The following SCARB1 variants were observed in gnomAD, a reference collection of about 807,000 sequenced individuals.
SCARB1 encodes the protein CD36 and LIMPII analogous 1.
SCARB1 carries 30 observed loss-of-function variants against 57.2 expected under a neutral mutation model. The observed-to-expected ratio is 0.52, with a 90% CI of 0.39 to 0.71. The LOEUF is 0.71. Among genes scored for constraint, SCARB1 ranks in the 30% least tolerant of loss-of-function variants. The pLI, the probability that SCARB1 is intolerant of heterozygous loss-of-function variation, is 0.00. For synonymous variants in SCARB1, 249 were observed against 268.3 expected (o/e 0.93, Z 0.70); for missense variants, 543 against 671.2 (o/e 0.81, Z 2.11).
At chr12:124,827,193 G>A (rs1022755077) in intron 1 of SCARB1, among the ~76,000 whole-genome samples, 2 of 152,090 alleles carry the variant, frequency 1.3e-5, no homozygotes, top group East Asian at 1.9e-4. Flanking sequence ...CGGCAGACTC[G>A]CGTCTTAAGA....
At chr12:124,863,430 G>A (rs1272165185) in intron 1 of SCARB1, among the ~76,000 whole-genome samples, 165 bp downstream of exon 1, 2 of 152,168 alleles carry the variant, frequency 1.3e-5, no homozygotes, top group Non-Finnish European at 1.5e-5. Flanking sequence ...GAGGCGGGCA[G>A]CAGCCCCTCC....
intron 1 of SCARB1, among the ~76,000 whole-genome samples, chr12:124,830,270 T>C (rs1342717377): frequency 1.3e-5 from 2 of 152,212 alleles, no homozygotes; most frequent in Non-Finnish European, 1.5e-5. Context: ...GTGCAGTCAC[T>C]GTGGAATATA....
chr12:124,826,130 T>A (rs549196028), intron 1 of SCARB1, among the ~76,000 whole-genome samples: 2 of 151,956 alleles, frequency 1.3e-5, no homozygotes, highest in African/African-American at 4.8e-5. Context: ...GTCAGGAGTT[T>A]GAGAACAACC....
At chr12:124,853,390 G>GTTT (rs757246980) in intron 1 of SCARB1, among the ~76,000 whole-genome samples, 3 of 122,526 alleles carry the variant, frequency 2.4e-5, no homozygotes, top group Non-Finnish European at 3.4e-5. Flanking sequence ...GCATAGTTTT[G>GTTT]TTTTTTTTTT....
At chr12:124,830,670 G>A (rs1176998988) in intron 1 of SCARB1, among the ~76,000 whole-genome samples, 4 of 152,100 alleles carry the variant, frequency 2.6e-5, no homozygotes, top group South Asian at 2.1e-4. Flanking sequence ...GGAGGGGTGC[G>A]GGGGAGGCGT....
intron 1 of SCARB1, among the ~76,000 whole-genome samples, chr12:124,856,589 CAA>C (rs1566265791): frequency 2.0e-5 from 3 of 152,220 alleles, no homozygotes; most frequent in Non-Finnish European, 2.9e-5. Context: ...GGAAGAAAAA[CAA>C]AACAGAATTG....
At chr12:124,850,421 C>A (rs1038923691) in intron 1 of SCARB1, among the ~76,000 whole-genome samples, 1 of 151,900 alleles carries the variant, frequency 6.6e-6, no homozygotes. Flanking sequence ...CCTGTAATCC[C>A]AGCACTTTGG....
intron 9 of SCARB1, among the ~76,000 whole-genome samples, chr12:124,790,377 TCAACAA>T (rs560643861): frequency 2.6e-5 from 4 of 151,654 alleles, no homozygotes; most frequent in Admixed American, 6.6e-5. Context: ...AGACTGTGTC[TCAACAA>T]CAACAACAAC....
Position 124,807,802 on chromosome 12 carries a change from C to A in SCARB1, c.968G>T (p.Cys323Phe), listed in dbSNP as rs1166819836. ...IYPPNEGFCP[C>F]LESGIQNVST... ...GACGTTCTGAATTCCAGACTCCAGGCACGGGCAGAAGCCTTCGTTGGGTGG... is the reference window on the plus strand; with the variant it reads ...GACGTTCTGAATTCCAGACTCCAGGAACGGGCAGAAGCCTTCGTTGGGTGG... Residue 323 changes from cysteine (C) to phenylalanine (F), a missense_variant, in exon 7 of 13, where the codon TGC (cysteine) becomes TTC (phenylalanine). Transcript: ENST00000261693. The surrounding 1 kb of genome is among the most constrained non-coding windows in gnomAD (Gnocchi z 5.3). The A allele has an allele frequency of 3.1e-6, 5 of 1,614,168 alleles. No individual in the cohort carries two copies. The highest frequency in any genetic ancestry group is 3.4e-6 in the Non-Finnish European group (4 of 1,180,032).
At chr12:124,791,151 G>C (rs1357168216) in intron 9 of SCARB1, among the ~76,000 whole-genome samples, 1 of 152,172 alleles carries the variant, frequency 6.6e-6, no homozygotes, top group East Asian at 1.9e-4. Context: ...AGCAAGAATT[G>C]GGTGACTCCC....
intron 1 of SCARB1, chr12:124,821,309 C>G: frequency 7.8e-6 from 7 of 901,436 alleles, no homozygotes; most frequent in Non-Finnish European, 9.3e-6. Context: ...CCCTTTGCAG[C>G]CTCCCTCTCC....
At chr12:124,840,116 T>A in intron 1 of SCARB1, 2 of 1,227,958 alleles carry the variant, frequency 1.6e-6, no homozygotes, top group Non-Finnish European at 2.1e-6. Flanking sequence ...TGTGTCTCAC[T>A]GATTCTCATT....
rs112353899 is a variant in SCARB1, at chr12:124,853,704, T to C, written c.126+9891A>G. ...GCCACTGTGCCCGGCCCAATTTGCA[T>C]GTTTTAAAGAGCATCCTGGCTTTGA... is the stretch of plus-strand genomic sequence containing the variant. On this transcript the variant is annotated intron_variant, in intron 1 of 12. Coordinates refer to ENST00000261693, the MANE Select transcript of SCARB1 (RefSeq NM_005505.5). 7.8e-3 allele frequency among the ~76,000 whole-genome samples: 1,185 copies of C among 152,264 alleles called. 19 individuals are homozygous for C. The highest frequency in any genetic ancestry group is 0.027 in the African/African-American group (1,114 of 41,550).
At chr12:124,829,772 G>A (rs1265847252) in intron 1 of SCARB1, among the ~76,000 whole-genome samples, 3 of 152,198 alleles carry the variant, frequency 2.0e-5, no homozygotes, top group Admixed American at 2.0e-4. Flanking sequence ...GAGCCCCACT[G>A]TATGGCAGGC....
chr12:124,839,416 A>C (rs116880618), intron 1 of SCARB1, among the ~76,000 whole-genome samples: 5,088 of 152,206 alleles, frequency 0.033, 506 homozygotes, highest in East Asian at 0.24. Context: ...TCCTATTCCA[A>C]CGTGTGGATG....
chr12:124,834,449 G>C (rs1014007019), intron 1 of SCARB1, among the ~76,000 whole-genome samples: 2 of 152,246 alleles, frequency 1.3e-5, no homozygotes, highest in African/African-American at 2.4e-5. Flanking sequence ...ATGAGGTCTC[G>C]GGCAATTTCT....
intron 1 of SCARB1, chr12:124,821,363 C>T: frequency 3.0e-6 from 3 of 985,326 alleles, no homozygotes; most frequent in Non-Finnish European, 3.6e-6. Flanking sequence ...AGATACCTTT[C>T]TCCTTTGGAA....
At chr12:124,858,147 T>C (rs768046784) in intron 1 of SCARB1, among the ~76,000 whole-genome samples, 3 of 151,502 alleles carry the variant, frequency 2.0e-5, no homozygotes, top group Non-Finnish European at 4.4e-5. Context: ...ACAGACACCT[T>C]CACACACACA....
At chr12:124,846,854 G>A (rs1026978935) in intron 1 of SCARB1, among the ~76,000 whole-genome samples, 1 of 150,036 alleles carries the variant, frequency 6.7e-6, no homozygotes, top group Non-Finnish European at 1.5e-5. Flanking sequence ...TCGCAGCAAT[G>A]TGGGTGGATC....
Sources: gnomAD v4.1 joint callset for allele counts (sites outside exome capture counted in the v4.1 genomes callset) on GRCh38, gnomAD v4.1.1 for gene constraint, Gnocchi (gnomAD v3.1) non-coding constraint, MANE v1.5 for transcripts, NCBI Gene and HGNC (gene_info 2026-07-23, HGNC 2026-07-21) for gene names.